The following CDK6 variants were observed in gnomAD, a reference collection of about 807,000 sequenced individuals.
CDK6 encodes the protein cyclin dependent kinase 6.
CDK6 carries 6 observed loss-of-function variants against 37.1 expected under a neutral mutation model. The observed-to-expected ratio is 0.16, with a 90% confidence interval of 0.09 to 0.32. CDK6 has a LOEUF of 0.32. Ranked by LOEUF, CDK6 falls within the 10% of genes least tolerant of loss-of-function variation. CDK6 has a pLI of 1.00. For missense variants in CDK6, 224 were observed against 418.9 expected (o/e 0.53, Z 4.06); for synonymous variants, 160 against 161.3 (o/e 0.99, Z 0.06).
chr7:92,813,751 T>C (rs1800949258), intron 2 of CDK6, among the ~76,000 whole-genome samples: 1 of 152,186 alleles, frequency 6.6e-6, no homozygotes, highest in Non-Finnish European at 1.5e-5. Context: ...TTAGCTATTT[T>C]GGGGAGGGGA....
intron 5 of CDK6, among the ~76,000 whole-genome samples, chr7:92,660,456 T>C (rs944725841): frequency 1.3e-5 from 2 of 152,212 alleles, no homozygotes; most frequent in African/African-American, 4.8e-5. Context: ...AATAGTGACA[T>C]CTTGGAGAAT....
intron 4 of CDK6, among the ~76,000 whole-genome samples, chr7:92,716,765 G>A (rs1467513200): frequency 6.6e-6 from 1 of 152,154 alleles, no homozygotes; most frequent in Non-Finnish European, 1.5e-5. Context: ...ACTCCTATGA[G>A]TATGAATATA....
At chr7:92,740,468 G>C (rs905198528) in intron 3 of CDK6, among the ~76,000 whole-genome samples, 1 of 152,100 alleles carries the variant, frequency 6.6e-6, no homozygotes, top group Non-Finnish European at 1.5e-5. Context: ...AATGCTCTGA[G>C]CATAGTTCTG....
At chr7:92,723,730 T>A (rs1798420477) in intron 4 of CDK6, among the ~76,000 whole-genome samples, 1 of 152,170 alleles carries the variant, frequency 6.6e-6, no homozygotes, top group East Asian at 1.9e-4. Flanking sequence ...TTTACTTATG[T>A]CACTATAGGA....
At chr7:92,717,904 C>A (rs1301342271) in intron 4 of CDK6, among the ~76,000 whole-genome samples, 1 of 152,190 alleles carries the variant, frequency 6.6e-6, no homozygotes, top group African/African-American at 2.4e-5. Flanking sequence ...CAGTGGTCAT[C>A]GATATTTGCC....
At chr7:92,805,667 A>C (rs1258528902) in intron 2 of CDK6, among the ~76,000 whole-genome samples, 1 of 152,164 alleles carries the variant, frequency 6.6e-6, no homozygotes, top group Non-Finnish European at 1.5e-5. Flanking sequence ...TAAAACTTCG[A>C]AACGATTTAA....
chr7:92,766,816 T>G (rs774822362), intron 3 of CDK6, among the ~76,000 whole-genome samples: 2 of 152,206 alleles, frequency 1.3e-5, no homozygotes, highest in Non-Finnish European at 1.5e-5. Context: ...TGAGGAAGCA[T>G]TTTCTAAAGA....
chr7:92,625,390 C>T (rs1400727190), intron 5 of CDK6, among the ~76,000 whole-genome samples: 1 of 151,982 alleles, frequency 6.6e-6, no homozygotes, highest in African/African-American at 2.4e-5. Flanking sequence ...AGTCTTTCCT[C>T]TGGGGTCACT....
chr7:92,760,615 T>C (rs1799430475), intron 3 of CDK6, among the ~76,000 whole-genome samples: 1 of 152,168 alleles, frequency 6.6e-6, no homozygotes, highest in African/African-American at 2.4e-5. Flanking sequence ...ACCAGTCAAT[T>C]ATTGGGAATG....
chr7:92,696,738 C>T (rs929304506), intron 4 of CDK6, among the ~76,000 whole-genome samples: 1 of 152,146 alleles, frequency 6.6e-6, no homozygotes, highest in Non-Finnish European at 1.5e-5. Context: ...GACAGTGTCA[C>T]CCCTTTATTG....
rs747364057 is a variant in CDK6, at chr7:92,722,097, G to A, written c.537+3529C>T. On this transcript the variant is annotated intron_variant, in intron 4 of 7. Coordinates refer to ENST00000424848, the MANE Select transcript of CDK6 (RefSeq NM_001145306.2). ...AAAGTTCTATATGTAAGAACATTTT[G>A]AAGTTTTCAGAAAGAAGCTAATAAT... Among the ~76,000 whole-genome samples, 16 of 152,170 alleles carry A rather than the reference G, an allele frequency of 1.1e-4. 1 individual carries two copies. Among genetic ancestry groups the A allele is most frequent in the Middle Eastern group, 6.8e-3 (2 of 294 alleles).
intron 5 of CDK6, among the ~76,000 whole-genome samples, chr7:92,625,198 G>C (rs1795896926): frequency 6.7e-6 from 1 of 150,086 alleles, no homozygotes; most frequent in Admixed American, 6.7e-5. Context: ...TTATAGCAGA[G>C]TTACAATTAA....
chr7:92,625,906 T>A lies in CDK6; in HGVS notation c.648-2820A>T, dbSNP rs78770722. The stretch of plus-strand genomic sequence containing the variant: ...CTATAGAACACCTTTGTAACCTGTA[T>A]TTGACCTGCAGCTATGCTTTGACAG... On this transcript the variant is annotated intron_variant, in intron 5 of 7. Transcript: ENST00000424848. Among the ~76,000 whole-genome samples the A allele has an allele frequency of 1.5e-3, 223 of 152,228 alleles. 5 individuals carry two copies. The East Asian group carries it at 0.037, about 25-fold the overall frequency.
At position 92,717,478 on chromosome 7, in the gene CDK6, G is replaced by GAAAGAAAGA. The variant is rs1163732162; in HGVS notation, c.537+8139_537+8147dup. Among the ~76,000 whole-genome samples, 4 of 149,738 alleles carry GAAAGAAAGA rather than the reference G, an allele frequency of 2.7e-5. No homozygotes were observed. The South Asian group carries it at 6.4e-4, about 24-fold the overall frequency. ...GAAAGAAGAAAGAAAGAAAAAGAAA[G>GAAAGAAAGA]AAAGAAAGAAAAGAAAGAAAAGAAA... On this transcript the variant is annotated intron_variant, in intron 4 of 7. Transcript: ENST00000424848.
intron 5 of CDK6, among the ~76,000 whole-genome samples, chr7:92,665,071 C>G (rs1279045218): frequency 6.6e-6 from 1 of 152,162 alleles, no homozygotes; most frequent in Non-Finnish European, 1.5e-5. Context: ...AGGTGTGAGT[C>G]ACCACGCCTG....
At chr7:92,644,137 C>G (rs1585363063) in intron 5 of CDK6, among the ~76,000 whole-genome samples, 4 of 152,222 alleles carry the variant, frequency 2.6e-5, no homozygotes, top group Non-Finnish European at 5.9e-5. Context: ...GCTTTTGAAA[C>G]AGCACTGGTG....
At chr7:92,717,602 A>G (rs539327151) in intron 4 of CDK6, among the ~76,000 whole-genome samples, 1 of 152,342 alleles carries the variant, frequency 6.6e-6, no homozygotes, top group South Asian at 2.1e-4. Flanking sequence ...AAATGTAGGA[A>G]AAAAGCAAGG....
At chr7:92,656,750 G>A (rs1423598166) in intron 5 of CDK6, among the ~76,000 whole-genome samples, 3 of 152,100 alleles carry the variant, frequency 2.0e-5, no homozygotes, top group Non-Finnish European at 4.4e-5. Flanking sequence ...AAAATGAGAT[G>A]GTAAGTTTGC....
rs1021931265 is a variant in CDK6, at chr7:92,614,069, G to C, written c.*1071C>G. ...AAGGCAGTGTGTGGCAGAAAGTACA[G>C]TGTAATAGATGAGGAAAATTTCAAG... On this transcript the variant is annotated 3_prime_UTR_variant, in exon 8 of 8. Transcript: ENST00000424848. 1 of 233,120 alleles carries C rather than the reference G, an allele frequency of 4.3e-6. No individual in the cohort carries two copies. The highest frequency in any genetic ancestry group is 6.0e-5 in the East Asian group (1 of 16,578). 14.4% of individuals were successfully genotyped at this position (233,120 alleles called of 1,614,324 possible).
Sources: gnomAD v4.1 joint callset for allele counts (sites outside exome capture counted in the v4.1 genomes callset) on GRCh38, gnomAD v4.1.1 for gene constraint, MANE v1.5 for transcripts, NCBI Gene and HGNC (gene_info 2026-07-23, HGNC 2026-07-21) for gene names.